Variants in CYTH3 observed in about 807,000 individuals in gnomAD.
The protein encoded by CYTH3 is cytohesin 3, also known as cytohesin-3.
CYTH3 carries 23 observed loss-of-function variants against 55.1 expected under a neutral mutation model. That is an observed-to-expected ratio of 0.42 (90% confidence interval 0.30 to 0.59). The LOEUF is 0.59. CYTH3 is among the 20% of genes least tolerant of loss of function. The probability of loss-of-function intolerance (pLI) is 0.20; values close to 1 mark genes in which losing one functional copy is unlikely to be tolerated. For synonymous variants in CYTH3, 249 were observed against 194.9 expected (o/e 1.28, Z -2.31); for missense variants, 413 against 524.8 (o/e 0.79, Z 2.08).
chr7:6,176,647 CTA>C (rs996400044), intron 5 of CYTH3, among the ~76,000 whole-genome samples: 51 of 152,238 alleles, frequency 3.4e-4, no homozygotes, highest in African/African-American at 1.1e-3. Context: ...TTAGGATATT[CTA>C]TATATATGAT....
At chr7:6,248,074 A>G (rs1779866147) in intron 1 of CYTH3, among the ~76,000 whole-genome samples, 1 of 152,074 alleles carries the variant, frequency 6.6e-6, no homozygotes, top group African/African-American at 2.4e-5. Context: ...AGCACAAAGT[A>G]GATTCAATCT....
intron 2 of CYTH3, 122 bp downstream of exon 2, chr7:6,190,327 T>TG (rs1783768935): frequency 3.6e-6 from 3 of 841,374 alleles, no homozygotes; most frequent in Admixed American, 3.5e-5. Flanking sequence ...CTTTTTTTTT[T>TG]GTTATTTTTT....
chr7:6,268,396 C>T (rs951677813), intron 1 of CYTH3, among the ~76,000 whole-genome samples: 5 of 152,152 alleles, frequency 3.3e-5, no homozygotes, highest in Non-Finnish European at 5.9e-5. Flanking sequence ...TCTTGAATTC[C>T]TGACCTCAAA....
At chr7:6,259,784 A>ATATAT (rs1491413119) in intron 1 of CYTH3, among the ~76,000 whole-genome samples, 2 of 20,948 alleles carry the variant, frequency 9.5e-5, no homozygotes, top group Non-Finnish European at 1.3e-4. Context: ...ATATATATAT[A>ATATAT]ATATATATAT....
At chr7:6,199,344 C>A (rs1456097932) in intron 1 of CYTH3, among the ~76,000 whole-genome samples, 1 of 152,100 alleles carries the variant, frequency 6.6e-6, no homozygotes, top group Non-Finnish European at 1.5e-5. Flanking sequence ...ATCCTGTTGC[C>A]TGAAATGATG....
chr7:6,173,113 C>T (rs3828954), intron 6 of CYTH3: 60,147 of 980,524 alleles, frequency 0.061, 3,114 homozygotes, highest in East Asian at 0.27. Flanking sequence ...GAAGAGCCCA[C>T]GCGACTCAGC....
chr7:6,192,895 A>G (rs965560354), intron 1 of CYTH3, among the ~76,000 whole-genome samples: 1 of 151,886 alleles, frequency 6.6e-6, no homozygotes, highest in African/African-American at 2.4e-5. Context: ...ATGGGGCCAG[A>G]CACAGTGGCT....
intron 5 of CYTH3, among the ~76,000 whole-genome samples, chr7:6,177,335 G>A (rs1783377448): frequency 2.0e-5 from 3 of 152,252 alleles, no homozygotes; most frequent in African/African-American, 7.2e-5. Context: ...CTCAGGGCAT[G>A]TGCTGCCTCA....
intron 1 of CYTH3, among the ~76,000 whole-genome samples, chr7:6,201,555 CAA>C (rs1784059093): frequency 6.6e-6 from 1 of 152,086 alleles, no homozygotes; most frequent in African/African-American, 2.4e-5. Flanking sequence ...TAAGTTCAAT[CAA>C]GAGAAGGGAT....
At chr7:6,194,932 G>T (rs552143107) in intron 1 of CYTH3, among the ~76,000 whole-genome samples, 1 of 151,966 alleles carries the variant, frequency 6.6e-6, no homozygotes, top group African/African-American at 2.4e-5. Flanking sequence ...CCGAGATCGC[G>T]TCATTGCACT....
At chr7:6,252,800 T>C (rs969887982) in intron 1 of CYTH3, among the ~76,000 whole-genome samples, 3 of 152,258 alleles carry the variant, frequency 2.0e-5, no homozygotes, top group Admixed American at 1.3e-4. Context: ...TATGTAAATA[T>C]AGTTTGTCTT....
chr7:6,224,994 C>T (rs1779204542), intron 1 of CYTH3, among the ~76,000 whole-genome samples: 1 of 152,142 alleles, frequency 6.6e-6, no homozygotes, highest in South Asian at 2.1e-4. Flanking sequence ...TCAGAAAGGG[C>T]AAATCTATAG....
chr7:6,186,519 A>AGATGCTT (rs1303802747), intron 4 of CYTH3, among the ~76,000 whole-genome samples: 1 of 152,200 alleles, frequency 6.6e-6, no homozygotes, highest in Non-Finnish European at 1.5e-5. Context: ...GGAAAGAGAA[A>AGATGCTT]GATGCTGGCT....
chr7:6,243,528 A>T (rs564935203), intron 1 of CYTH3, among the ~76,000 whole-genome samples: 2 of 152,308 alleles, frequency 1.3e-5, no homozygotes, highest in South Asian at 4.1e-4. Flanking sequence ...TTCTTCTGGC[A>T]GGTGGCATCT....
intron 1 of CYTH3, among the ~76,000 whole-genome samples, chr7:6,252,689 G>A (rs1562413000): frequency 6.6e-6 from 1 of 152,130 alleles, no homozygotes; most frequent in Non-Finnish European, 1.5e-5. Context: ...TAAATCAATA[G>A]GAAAGTGTTG....
chr7:6,269,935 C>T (rs1318866730), intron 1 of CYTH3, among the ~76,000 whole-genome samples: 1 of 152,126 alleles, frequency 6.6e-6, no homozygotes, highest in African/African-American at 2.4e-5. Context: ...AGATTATTTA[C>T]CCTATCTTTT....
At chr7:6,180,697 G>C (rs1180077011) in intron 4 of CYTH3, among the ~76,000 whole-genome samples, 1 of 152,218 alleles carries the variant, frequency 6.6e-6, no homozygotes, top group East Asian at 1.9e-4. Context: ...AAAAGAAAGT[G>C]AGTGTTCTAA....
At chr7:6,177,757 T>G in intron 5 of CYTH3, 66 bp downstream of exon 5, 43 of 1,263,782 alleles carry the variant, frequency 3.4e-5, no homozygotes, top group Non-Finnish European at 4.4e-5. Flanking sequence ...AAGTGGAGCG[T>G]GAGCCTAGGT....
intron 1 of CYTH3, among the ~76,000 whole-genome samples, chr7:6,235,005 G>A (rs35402521): frequency 0.05 from 7,637 of 152,216 alleles, 281 homozygotes; most frequent in Non-Finnish European, 0.076. Flanking sequence ...GGTCCTAAAT[G>A]ATGTTCCCAA....
Sources: allele counts gnomAD v4.1 joint callset (sites outside exome capture counted in the v4.1 genomes callset), GRCh38; gene constraint gnomAD v4.1.1; transcripts MANE v1.5; gene names NCBI Gene and HGNC (gene_info 2026-07-23, HGNC 2026-07-21).